Variants in CPS1 observed in about 807,000 individuals in gnomAD.
The protein encoded by CPS1 is carbamoyl-phosphate synthase [ammonia], mitochondrial.
A neutral mutation model predicts 174.6 loss-of-function variants in CPS1; 109 were observed. That is an observed-to-expected ratio of 0.62 (90% CI 0.53 to 0.73). The LOEUF (loss-of-function observed/expected upper bound fraction) is 0.73, where lower values mean the gene tolerates loss of function less well. Ranked by LOEUF, CPS1 falls within the 30% of genes least tolerant of loss-of-function variation. CPS1 has a pLI of 0.00. For missense variants in CPS1, 1,689 were observed against 1,821.9 expected (o/e 0.93, Z 1.33); for synonymous variants, 637 against 632.0 (o/e 1.01, Z -0.12).
intron 1 of CPS1, among the ~76,000 whole-genome samples, chr2:210,562,205 C>T (rs937528547): frequency 6.6e-6 from 1 of 152,136 alleles, no homozygotes; most frequent in Non-Finnish European, 1.5e-5. Context: ...AAATCTTAAT[C>T]TTTTGTTTAT....
Position 210,608,562 on chromosome 2 carries a change from G to C in CPS1, c.2391+3G>C. On this transcript the variant is annotated splice_donor_region_variant and intron_variant, in intron 19 of 37. Transcript: ENST00000233072. Reference sequence around the variant, plus strand: ...GCTCTATGAAAAGTGTAGGAGAGGTGAGTCCTTGGTTTATTACGCTTTTCT... The same window carrying C: ...GCTCTATGAAAAGTGTAGGAGAGGTCAGTCCTTGGTTTATTACGCTTTTCT... The C allele has an allele frequency of 6.2e-7, 1 of 1,610,890 alleles. No homozygotes were observed. Among genetic ancestry groups the C allele is most frequent in the African/African-American group, 1.3e-5 (1 of 74,788 alleles).
intron 1 of CPS1, among the ~76,000 whole-genome samples, chr2:210,557,849 A>G (rs902767445): frequency 2.6e-5 from 4 of 152,108 alleles, no homozygotes; most frequent in Admixed American, 2.6e-4. Flanking sequence ...CTAAGCTTCT[A>G]TTGTTTCAGT....
intron 1 of CPS1, among the ~76,000 whole-genome samples, chr2:210,478,157 T>C (rs1241432153): frequency 6.6e-6 from 1 of 152,254 alleles, no homozygotes; most frequent in African/African-American, 2.4e-5. Context: ...TTCCCCAATG[T>C]TGTTAGATTG....
intron 13 of CPS1, among the ~76,000 whole-genome samples, chr2:210,598,961 A>G (rs1698603527): frequency 6.6e-6 from 1 of 151,944 alleles, no homozygotes; most frequent in African/African-American, 2.4e-5. Context: ...CCACATAATT[A>G]TAAGCAGCTT....
rs372465290 is a variant in CPS1, at chr2:210,602,156, A to G, written c.1708-46A>G. ...CTCTCTTGGTGTGGTCTGTTCTGCC[A>G]GTGTGCTCAGCTTTTAAAATGTTGA... On this transcript the variant is annotated intron_variant, in intron 15 of 37. Transcript: ENST00000233072. The G allele has an allele frequency of 1.2e-5, 20 of 1,609,258 alleles. 1 individual carries two copies. The African/African-American group carries it at 1.7e-4, about 14-fold the overall frequency.
intron 21 of CPS1, among the ~76,000 whole-genome samples, chr2:210,632,043 T>C (rs538425625): frequency 7.9e-5 from 12 of 152,334 alleles, no homozygotes; most frequent in Admixed American, 7.8e-4. Context: ...CAAAAAGCAG[T>C]GTTGAATTAT....
At chr2:210,515,967 C>T (rs1695672903) in intron 1 of CPS1, among the ~76,000 whole-genome samples, 1 of 151,702 alleles carries the variant, frequency 6.6e-6, no homozygotes, top group African/African-American at 2.4e-5. Context: ...ACCCAAAAGT[C>T]ATTTAGGAGG....
intron 20 of CPS1, among the ~76,000 whole-genome samples, 167 bp from the exon 21 acceptor site, chr2:210,616,256 G>A (rs1699300205): frequency 6.6e-6 from 1 of 151,934 alleles, no homozygotes; most frequent in South Asian, 2.1e-4. Context: ...CCATCTTTAT[G>A]TTTATTGGAA....
chr2:210,526,358 G>A (rs1214066256), intron 1 of CPS1, among the ~76,000 whole-genome samples: 1 of 148,800 alleles, frequency 6.7e-6, no homozygotes, highest in Non-Finnish European at 1.5e-5. Context: ...TTCTGTACAT[G>A]TATCCCAGAC....
Position 210,656,769 on chromosome 2 carries a change from C to T in CPS1, c.3666+137C>T. On this transcript the variant is annotated intron_variant, in intron 30 of 37. Coordinates refer to ENST00000233072, the MANE Select transcript of CPS1 (RefSeq NM_001875.5). ...TAAATTTAATGATGAGGCTAACTTC[C>T]TTGCTCTGAGTCACCTGGGTATTCT... 5.7e-6 allele frequency: 4 copies of T among 699,820 alleles called. No individual in the cohort carries two copies. In the Admixed American group the frequency reaches 9.7e-5, roughly 17 times the overall value. 43.4% of individuals were successfully genotyped at this position (699,820 alleles called of 1,614,324 possible).
intron 1 of CPS1, among the ~76,000 whole-genome samples, chr2:210,561,159 A>T (rs909300872): frequency 6.6e-6 from 1 of 152,166 alleles, no homozygotes; most frequent in Non-Finnish European, 1.5e-5. Flanking sequence ...GCTTCTTGAC[A>T]TAAAACTCTT....
At position 210,588,072 on chromosome 2, in the gene CPS1, C is replaced by T. The variant is rs138724401; in HGVS notation, c.636C>T (p.Tyr212=). ...TAAAATGGCAGGATGTCAAAGTGTA[C>T]GGCAAAGGAAACCCCACAAAAGTGG... ...AEVSTKDVKV[Y]GKGNPTKVVA... is the part of the protein sequence containing the mutation. Residue 212 remains tyrosine (Y), a synonymous_variant, in exon 7 of 38, where the codon TAC becomes TAT. Transcript: ENST00000233072. 9.9e-5 allele frequency: 159 copies of T among 1,612,728 alleles called. 2 individuals carry two copies. Among genetic ancestry groups the T allele is most frequent in the South Asian group, 5.9e-4 (54 of 91,060 alleles).
At chr2:210,590,469 A>C (rs563194578) in intron 8 of CPS1, among the ~76,000 whole-genome samples, 5 of 152,044 alleles carry the variant, frequency 3.3e-5, no homozygotes, top group Non-Finnish European at 5.9e-5. Flanking sequence ...TCCTTGAGTT[A>C]AAAGAACTGG....
intron 21 of CPS1, among the ~76,000 whole-genome samples, chr2:210,624,937 AC>A (rs1699650862): frequency 6.6e-6 from 1 of 152,060 alleles, no homozygotes; most frequent in Non-Finnish European, 1.5e-5. Flanking sequence ...AATAACACAT[AC>A]TCAGAATATG....
In CPS1 at chr2:210,678,193, G is replaced by T; in HGVS notation, c.*208G>T. On this transcript the variant is annotated 3_prime_UTR_variant, in exon 38 of 38. Transcript: ENST00000233072. Reference sequence around the variant, plus strand: ...CAGTCCTTCCTAAGTTACTCTTCATGAGATTTCATCCATTTACTAATACTG... The same window carrying T: ...CAGTCCTTCCTAAGTTACTCTTCATTAGATTTCATCCATTTACTAATACTG... 4 of 634,608 alleles carry T rather than the reference G, an allele frequency of 6.3e-6. No individual in the cohort carries two copies. The South Asian group carries it at 7.1e-5, about 11-fold the overall frequency. 39.3% of individuals were successfully genotyped at this position (634,608 alleles called of 1,614,324 possible).
intron 9 of CPS1, 95 bp from the exon 10 acceptor site, chr2:210,591,736 A>G: frequency 7.2e-7 from 1 of 1,384,672 alleles, no homozygotes; most frequent in Non-Finnish European, 1.0e-6. Context: ...TTGAATTTTA[A>G]TAGGCTTTAC....
intron 1 of CPS1, among the ~76,000 whole-genome samples, chr2:210,539,386 A>G (rs1696342519): frequency 6.6e-6 from 1 of 152,162 alleles, no homozygotes; most frequent in African/African-American, 2.4e-5. Flanking sequence ...CAAGATTTGG[A>G]ATTATCCGCA....
intron 24 of CPS1, among the ~76,000 whole-genome samples, 168 bp downstream of exon 24, chr2:210,640,227 A>G (rs188130525): frequency 1.1e-4 from 16 of 152,314 alleles, no homozygotes; most frequent in East Asian, 3.9e-4. Flanking sequence ...ATATACAGCT[A>G]TTTAGTGGTA....
At chr2:210,676,221 C>T (rs935709000) in intron 36 of CPS1, among the ~76,000 whole-genome samples, 2 of 152,194 alleles carry the variant, frequency 1.3e-5, no homozygotes, top group African/African-American at 2.4e-5. Flanking sequence ...TTGTTGAGCA[C>T]TTACTACATA....
Sources: allele counts gnomAD v4.1 joint callset (sites outside exome capture counted in the v4.1 genomes callset), GRCh38; gene constraint gnomAD v4.1.1; transcripts MANE v1.5; gene names NCBI Gene and HGNC (gene_info 2026-07-23, HGNC 2026-07-21).